SOX5: variants seen among roughly 807,000 people sequenced by gnomAD.
The protein encoded by SOX5 is transcription factor SOX-5.
In SOX5, 9 loss-of-function variants were observed where a neutral mutation model predicts 92.0. That is an observed-to-expected ratio of 0.10 (90% CI 0.06 to 0.17). The LOEUF (loss-of-function observed/expected upper bound fraction) is 0.17. Among genes scored for constraint, SOX5 ranks in the 10% least tolerant of loss-of-function variants. The probability of loss-of-function intolerance (pLI) is 1.00; values close to 1 mark genes in which losing one functional copy is unlikely to be tolerated. For missense variants in SOX5, 642 were observed against 944.5 expected, an observed-to-expected ratio of 0.68 and a Z score of 4.20; for synonymous variants, 344 against 336.3, an observed-to-expected ratio of 1.02 and a Z score of -0.25.
intron 1 of SOX5, among the ~76,000 whole-genome samples, chr12:24,441,191 A>G (rs944837241): frequency 6.6e-6 from 1 of 152,242 alleles, no homozygotes; most frequent in Non-Finnish European, 1.5e-5. Context: ...AGAAATAATC[A>G]GAAATGCAAA....
intron 4 of SOX5, among the ~76,000 whole-genome samples, chr12:24,159,888 G>A (rs1350244697): frequency 6.6e-6 from 1 of 151,972 alleles, no homozygotes; most frequent in Non-Finnish European, 1.5e-5. Flanking sequence ...ATTCTCCCCA[G>A]TGTTTTCAAC....
At chr12:23,639,588 G>A (rs1178781389) in intron 8 of SOX5, among the ~76,000 whole-genome samples, 1 of 152,126 alleles carries the variant, frequency 6.6e-6, no homozygotes, top group Non-Finnish European at 1.5e-5. Context: ...CAAATGTTAT[G>A]TTACTTTTAT....
At chr12:23,536,069 A>C (rs1179522787) in intron 14 of SOX5, among the ~76,000 whole-genome samples, 1 of 152,178 alleles carries the variant, frequency 6.6e-6, no homozygotes, top group Non-Finnish European at 1.5e-5. Context: ...TTTGCTTTTG[A>C]AATGATTTTT....
At chr12:24,491,417 C>T (rs1947062656) in intron 1 of SOX5, among the ~76,000 whole-genome samples, 1 of 151,988 alleles carries the variant, frequency 6.6e-6, no homozygotes, top group Non-Finnish European at 1.5e-5. Context: ...CCCTCTCACA[C>T]CTATCAACCA....
intron 1 of SOX5, among the ~76,000 whole-genome samples, chr12:24,515,100 T>G (rs1057418463): frequency 1.3e-5 from 2 of 152,226 alleles, no homozygotes; most frequent in African/African-American, 4.8e-5. Context: ...TGCATAGCTG[T>G]GTCATGTTAT....
intron 2 of SOX5, among the ~76,000 whole-genome samples, chr12:24,330,921 G>A (rs1951231169): frequency 6.6e-6 from 1 of 152,192 alleles, no homozygotes. Context: ...TCTGGAAGAT[G>A]GAAAGCAGAC....
intron 4 of SOX5, among the ~76,000 whole-genome samples, chr12:23,967,509 C>A (rs1947738209): frequency 6.6e-6 from 1 of 151,872 alleles, no homozygotes; most frequent in South Asian, 2.1e-4. Context: ...GATATAAAAT[C>A]TATAAATTAT....
chr12:23,899,218 A>G (rs2137868121), intron 1 of SOX5, among the ~76,000 whole-genome samples: 1 of 152,190 alleles, frequency 6.6e-6, no homozygotes, highest in South Asian at 2.1e-4. Context: ...CCTGACCAAC[A>G]TGGAGAAACC....
intron 3 of SOX5, among the ~76,000 whole-genome samples, chr12:23,804,915 TTATATATATATATATATATA>T (rs528741802): frequency 0.084 from 6,276 of 75,060 alleles, 444 homozygotes; most frequent in South Asian, 0.13. Flanking sequence ...TATCATTGTT[TTATATATATATATATATATA>T]TATATATATA....
At chr12:24,170,361 G>A (rs961221138) in intron 4 of SOX5, among the ~76,000 whole-genome samples, 1 of 152,162 alleles carries the variant, frequency 6.6e-6, no homozygotes, top group Admixed American at 6.5e-5. Flanking sequence ...AACAAACCAG[G>A]CGCCATGCTT....
At chr12:24,152,944 C>G (rs1440539664) in intron 4 of SOX5, among the ~76,000 whole-genome samples, 1 of 152,046 alleles carries the variant, frequency 6.6e-6, no homozygotes, top group African/African-American at 2.4e-5. Context: ...CAAAAACATT[C>G]TTGATGTGGA....
chr12:23,772,760 T>TACCTTAA (rs2094974940), intron 3 of SOX5, among the ~76,000 whole-genome samples: 4 of 152,164 alleles, frequency 2.6e-5, no homozygotes, highest in African/African-American at 4.8e-5. Context: ...CAATTTAAGG[T>TACCTTAA]ATTAAATGAC....
At chr12:24,147,811 T>C (rs1462935360) in intron 4 of SOX5, among the ~76,000 whole-genome samples, 3 of 152,178 alleles carry the variant, frequency 2.0e-5, no homozygotes, top group Non-Finnish European at 4.4e-5. Flanking sequence ...TACAATAGTA[T>C]CAATTTTTAA....
intron 4 of SOX5, among the ~76,000 whole-genome samples, chr12:24,075,889 C>T (rs558010936): frequency 2.6e-5 from 4 of 152,142 alleles, no homozygotes; most frequent in African/African-American, 4.8e-5. Flanking sequence ...TTCCTGCATA[C>T]AAAGGCAAGA....
chr12:24,229,806 A>G (rs1962981790), intron 3 of SOX5, among the ~76,000 whole-genome samples: 1 of 152,200 alleles, frequency 6.6e-6, no homozygotes, highest in Non-Finnish European at 1.5e-5. Context: ...ACCGCTAGCA[A>G]TAAAAGGGGG....
chr12:23,619,856 ACTT>A (rs1405737058), intron 8 of SOX5, among the ~76,000 whole-genome samples: 4 of 152,286 alleles, frequency 2.6e-5, no homozygotes, highest in Admixed American at 1.3e-4. Flanking sequence ...AAGCTGTTAT[ACTT>A]CTTATTATCT....
rs183342689 is a variant in SOX5, at chr12:23,794,620, G to A, written c.482-38896C>T. On this transcript the variant is annotated intron_variant, in intron 3 of 14. Coordinates refer to ENST00000451604, the MANE Select transcript of SOX5 (RefSeq NM_006940.6). Reference sequence around the variant, plus strand: ...AACGTAGCAAAAACAAAAACGCAATGTTTACAGATGATACTTCATGTTCCT... The same window carrying A: ...AACGTAGCAAAAACAAAAACGCAATATTTACAGATGATACTTCATGTTCCT... Among the ~76,000 whole-genome samples the A allele has an allele frequency of 1.7e-3, 254 of 152,174 alleles. 2 individuals are homozygous for A. Among genetic ancestry groups the A allele is most frequent in the African/African-American group, 5.3e-3 (222 of 41,534 alleles).
chr12:24,024,325 A>G (rs1006443663), intron 4 of SOX5, among the ~76,000 whole-genome samples: 1 of 152,018 alleles, frequency 6.6e-6, no homozygotes, highest in African/African-American at 2.4e-5. Context: ...AGTGTATTTC[A>G]TTCACCCAAT....
At chr12:24,067,303 C>G (rs1253945104) in intron 4 of SOX5, among the ~76,000 whole-genome samples, 5 of 152,150 alleles carry the variant, frequency 3.3e-5, no homozygotes, top group Admixed American at 6.5e-5. Context: ...CTTCCAAAAG[C>G]AGTCCCAAGG....
Sources: gnomAD v4.1 joint callset for allele counts (sites outside exome capture counted in the v4.1 genomes callset) on GRCh38, gnomAD v4.1.1 for gene constraint, MANE v1.5 for transcripts, NCBI Gene and HGNC (gene_info 2026-07-23, HGNC 2026-07-21) for gene names.